YWHAH: variants seen among roughly 807,000 people sequenced by gnomAD.
YWHAH encodes the protein tyrosine 3-monooxygenase/tryptophan 5-monooxygenase activation protein eta.
Under a neutral mutation model 22.9 loss-of-function variants are expected in YWHAH, and 6 were observed. That is an observed-to-expected ratio of 0.26 (90% confidence interval 0.14 to 0.52). YWHAH has a LOEUF of 0.52. YWHAH is among the 20% of genes least tolerant of loss of function. The pLI is 0.97. For synonymous variants in YWHAH, 135 were observed against 124.5 expected, an observed-to-expected ratio of 1.08 and a Z score of -0.56; for missense variants, 173 against 308.6, an observed-to-expected ratio of 0.56 and a Z score of 3.29.
intron 1 of YWHAH, among the ~76,000 whole-genome samples, chr22:31,948,166 A>T (rs1258633025): frequency 6.6e-6 from 1 of 152,182 alleles, no homozygotes; most frequent in South Asian, 2.1e-4. Context: ...GCGGCTCCCT[A>T]GAAATCTTAA....
chr22:31,954,844 T>C (rs759074368), intron 1 of YWHAH, among the ~76,000 whole-genome samples: 6 of 152,182 alleles, frequency 3.9e-5, no homozygotes, highest in Admixed American at 1.3e-4. Context: ...CTTAACTAAT[T>C]ACATCTGCAA....
intron 1 of YWHAH, among the ~76,000 whole-genome samples, chr22:31,949,424 G>A (rs1212556165): frequency 2.0e-5 from 3 of 152,024 alleles, no homozygotes; most frequent in Non-Finnish European, 2.9e-5. Flanking sequence ...GATTACAGGC[G>A]TGAGCCACTG....
chr22:31,950,263 C>T, intron 1 of YWHAH: 1 of 772,658 alleles, frequency 1.3e-6, no homozygotes, highest in Non-Finnish European at 2.4e-6. Context: ...TCTCCCTGCA[C>T]CCTTTAGTAT....
intron 1 of YWHAH, among the ~76,000 whole-genome samples, chr22:31,948,142 C>T (rs1051033530): frequency 1.3e-5 from 2 of 152,192 alleles, no homozygotes; most frequent in South Asian, 2.1e-4. Flanking sequence ...CCAGGGCAAC[C>T]GGCCTGAGCC....
At chr22:31,945,049 C>G in intron 1 of YWHAH, 2 of 1,111,334 alleles carry the variant, frequency 1.8e-6, no homozygotes, top group East Asian at 5.4e-5. Context: ...TTCGGGATCG[C>G]GAAGGCAGCC....
chr22:31,954,513 G>A (rs2093847132), intron 1 of YWHAH, among the ~76,000 whole-genome samples: 1 of 152,160 alleles, frequency 6.6e-6, no homozygotes, highest in Admixed American at 6.5e-5. Flanking sequence ...AGGGGGTGCT[G>A]AACCTAGTAC....
At chr22:31,945,009 GC>G (rs1313120000) in intron 1 of YWHAH, 189 bp downstream of exon 1, 2 of 1,118,286 alleles carry the variant, frequency 1.8e-6, no homozygotes, top group Non-Finnish European at 2.2e-6. Flanking sequence ...CTGAGGCTGG[GC>G]CCAGGGTGGG....
chr22:31,950,076 C>CTTTTTTTTTTTTTTTTTTT (rs557406783), intron 1 of YWHAH, among the ~76,000 whole-genome samples: 1 of 42,154 alleles, frequency 2.4e-5, no homozygotes, highest in Non-Finnish European at 4.9e-5. Context: ...GCTTGGAGGC[C>CTTTTTTTTTTTTTTTTTTT]TTTTTTTTTT....
chr22:31,949,469 T>G (rs2093839941), intron 1 of YWHAH, among the ~76,000 whole-genome samples: 1 of 152,006 alleles, frequency 6.6e-6, no homozygotes, highest in Admixed American at 6.6e-5. Flanking sequence ...TTTTAGGCAC[T>G]TGGTAAACGG....
chr22:31,953,988 C>G (rs1332420814), intron 1 of YWHAH, among the ~76,000 whole-genome samples: 1 of 152,110 alleles, frequency 6.6e-6, no homozygotes, highest in Non-Finnish European at 1.5e-5. Flanking sequence ...GAGAACTTGG[C>G]ACGTTTTCTG....
chr22:31,954,801 T>C (rs1372234278), intron 1 of YWHAH, among the ~76,000 whole-genome samples: 2 of 152,190 alleles, frequency 1.3e-5, no homozygotes, highest in Non-Finnish European at 2.9e-5. Flanking sequence ...TAATTGCACT[T>C]AGGGCACACC....
chr22:31,956,098 C>A lies in YWHAH; in HGVS notation c.88-41C>A. ...AGGGAAGGCTTCTTACCAAGATTTT[C>A]AGATTTTGCTTTCAATGTTTATCTT... is the stretch of plus-strand genomic sequence containing the variant. On this transcript the variant is annotated intron_variant, in intron 1 of 1. Coordinates refer to ENST00000248975, the MANE Select transcript of YWHAH (RefSeq NM_003405.4). The surrounding 1 kb of genome is among the most constrained non-coding windows in gnomAD (Gnocchi z 5.1). The A allele has an allele frequency of 6.5e-7, 1 of 1,547,560 alleles. No homozygotes were observed. The highest frequency in any genetic ancestry group is 1.3e-5 in the South Asian group (1 of 79,950).
At chr22:31,946,127 A>G (rs1173349162) in intron 1 of YWHAH, among the ~76,000 whole-genome samples, 1 of 152,176 alleles carries the variant, frequency 6.6e-6, no homozygotes, top group Non-Finnish European at 1.5e-5. Flanking sequence ...TGTTACACAC[A>G]TAACTGGGTG....
chr22:31,950,131 A>G (rs1186324930), intron 1 of YWHAH, among the ~76,000 whole-genome samples: 1 of 89,280 alleles, frequency 1.1e-5, no homozygotes, highest in Non-Finnish European at 2.1e-5. Flanking sequence ...CAAAGTATTG[A>G]ATTTGAGTTT....
chr22:31,954,160 A>G (rs1010107604), intron 1 of YWHAH, among the ~76,000 whole-genome samples: 6 of 152,302 alleles, frequency 3.9e-5, no homozygotes, highest in Admixed American at 1.3e-4. Context: ...ACTTTCCCCA[A>G]TGAACTTGGC....
intron 1 of YWHAH, among the ~76,000 whole-genome samples, chr22:31,952,507 G>A (rs1302176869): frequency 1.3e-5 from 2 of 152,072 alleles, no homozygotes; most frequent in African/African-American, 4.8e-5. Flanking sequence ...GTTTCCTTTT[G>A]TTAACTGAAT....
intron 1 of YWHAH, among the ~76,000 whole-genome samples, chr22:31,950,919 CAG>C (rs1475435751): frequency 3.3e-5 from 5 of 152,184 alleles, no homozygotes; most frequent in Non-Finnish European, 5.9e-5. Context: ...TTTTTTGAGA[CAG>C]AGTCTTGCTC....
At chr22:31,946,115 C>G (rs2093834173) in intron 1 of YWHAH, among the ~76,000 whole-genome samples, 1 of 152,056 alleles carries the variant, frequency 6.6e-6, no homozygotes, top group Non-Finnish European at 1.5e-5. Context: ...CTCTGGTGTC[C>G]TTGTTACACA....
chr22:31,947,697 C>T (rs2093836954), intron 1 of YWHAH, among the ~76,000 whole-genome samples: 1 of 152,192 alleles, frequency 6.6e-6, no homozygotes, highest in African/African-American at 2.4e-5. Context: ...ATTCTAGAAC[C>T]TAAGTCCTTT....
Sources: allele counts gnomAD v4.1 joint callset (sites outside exome capture counted in the v4.1 genomes callset), GRCh38; gene constraint gnomAD v4.1.1; non-coding constraint Gnocchi (gnomAD v3.1); transcripts MANE v1.5; gene names NCBI Gene and HGNC (gene_info 2026-07-23, HGNC 2026-07-21).